RAPGEF1: variants seen among roughly 807,000 people sequenced by gnomAD.
RAPGEF1 encodes Rap guanine nucleotide exchange factor 1, also known as CRK SH3-binding GNRP.
Under a neutral mutation model 143.3 loss-of-function variants are expected in RAPGEF1, and 33 were observed. The ratio of observed to expected loss-of-function variants is 0.23; its 90% CI spans 0.17 to 0.31. RAPGEF1 has a LOEUF of 0.31. Among genes scored for constraint, RAPGEF1 ranks in the 10% least tolerant of loss-of-function variants. The probability of loss-of-function intolerance (pLI) is 1.00; values close to 1 mark genes in which losing one functional copy is unlikely to be tolerated. For missense variants in RAPGEF1, 1,199 were observed against 1,645.4 expected (o/e 0.73, Z 4.69); for synonymous variants, 629 against 676.5 (o/e 0.93, Z 1.09).
At chr9:131,609,428 A>G (rs1957659033) in intron 12 of RAPGEF1, among the ~76,000 whole-genome samples, 1 of 152,196 alleles carries the variant, frequency 6.6e-6, no homozygotes, top group East Asian at 1.9e-4. Context: ...TGGACGAGAC[A>G]GGCCCTAACC....
At chr9:131,648,444 C>G (rs567392773) in intron 3 of RAPGEF1, among the ~76,000 whole-genome samples, 7 of 152,136 alleles carry the variant, frequency 4.6e-5, no homozygotes, top group African/African-American at 1.7e-4. Context: ...GGGGGGAAAT[C>G]CCAGGAATTG....
chr9:131,629,477 A>T (rs1964258670), intron 6 of RAPGEF1, among the ~76,000 whole-genome samples: 1 of 152,106 alleles, frequency 6.6e-6, no homozygotes, highest in Non-Finnish European at 1.5e-5. Flanking sequence ...TCCTCATCTG[A>T]AAATGATCTA....
intron 12 of RAPGEF1, among the ~76,000 whole-genome samples, chr9:131,609,413 T>C (rs1267711648): frequency 6.6e-6 from 1 of 152,198 alleles, no homozygotes; most frequent in Non-Finnish European, 1.5e-5. Flanking sequence ...TACTGAGGTG[T>C]ATCCTGGACG....
chr9:131,600,060 G>A (rs1284664146), intron 15 of RAPGEF1, among the ~76,000 whole-genome samples: 1 of 152,002 alleles, frequency 6.6e-6, no homozygotes, highest in Non-Finnish European at 1.5e-5. Context: ...AGGTTGCAGT[G>A]AGCCGAGATC....
chr9:131,631,132 T>C (rs549567539), intron 5 of RAPGEF1, among the ~76,000 whole-genome samples: 1 of 152,202 alleles, frequency 6.6e-6, no homozygotes, highest in Non-Finnish European at 1.5e-5. Context: ...GAACTTGATA[T>C]AAATGGAACC....
chr9:131,658,530 T>C (rs1489279082), intron 1 of RAPGEF1, among the ~76,000 whole-genome samples: 4 of 152,038 alleles, frequency 2.6e-5, no homozygotes, highest in Non-Finnish European at 4.4e-5. Context: ...AGAGGAAGGG[T>C]GGCTTATATG....
In RAPGEF1 at chr9:131,628,406, G is replaced by A; in HGVS notation, c.1017+143C>T. The A allele has an allele frequency of 8.5e-7, 1 of 1,171,300 alleles. No homozygotes were observed. The allele number at this position is 1,171,300 out of a possible 1,614,324, so 72.6% of individuals were successfully genotyped here. On this transcript the variant is annotated intron_variant, in intron 8 of 26. Coordinates refer to ENST00000683357, the MANE Select transcript of RAPGEF1 (RefSeq NM_001377935.1). This position sits in a 1 kb window ranked among gnomAD's most constrained non-coding sequence, Gnocchi z 5.7. ...CTTGGACCGTGTCCTGGAGAGAGAG[G>A]GATGGGTACAAGGTCTCGCACTCCT...
chr9:131,722,005 G>A (rs1564202822), intron 1 of RAPGEF1, among the ~76,000 whole-genome samples: 1 of 152,062 alleles, frequency 6.6e-6, no homozygotes, highest in African/African-American at 2.4e-5. Context: ...TGAAATCAAG[G>A]TGCGTTTTAT....
Position 131,602,081 on chromosome 9 carries a change from G to T in RAPGEF1, c.2481C>A (p.Asp827Glu). 1.2e-6 allele frequency: 2 copies of T among 1,603,522 alleles called. No homozygotes were observed. The highest frequency in any genetic ancestry group is 1.7e-6 in the Non-Finnish European group (2 of 1,175,954). Reference sequence around the variant, plus strand: ...CCTACCTCTCACTGCCGTCTCTGCTGTCCTTCCCAGGGACGCCGCTGACCG... The same window carrying T: ...CCTACCTCTCACTGCCGTCTCTGCTTTCCTTCCCAGGGACGCCGCTGACCG... ...PSAVSGVPGK[D>E]SRDGSERAPK... The change falls in exon 15 of 27, where the codon GAC becomes GAA. Residue 827 changes from aspartate (D) to glutamate (E), a missense_variant. By Grantham distance (45) the Asp-to-Glu change is conservative. This residue lies in a region of RAPGEF1 where 293 missense variants were observed against 356.2 expected (regional missense o/e 0.82). Coordinates refer to ENST00000683357, the MANE Select transcript of RAPGEF1 (RefSeq NM_001377935.1).
At chr9:131,691,600 C>T (rs566457389) in intron 1 of RAPGEF1, among the ~76,000 whole-genome samples, 191 of 152,152 alleles carry the variant, frequency 1.3e-3, no homozygotes, top group Non-Finnish European at 1.8e-3. Flanking sequence ...CAACTATAAT[C>T]CTAAAATGTT....
At chr9:131,661,158 C>T (rs751398102) in intron 1 of RAPGEF1, among the ~76,000 whole-genome samples, 7 of 152,198 alleles carry the variant, frequency 4.6e-5, no homozygotes, top group Non-Finnish European at 7.3e-5. Context: ...CTCCAAAGAA[C>T]GCCTGTGTGA....
intron 20 of RAPGEF1, 66 bp from the exon 21 acceptor site, chr9:131,588,092 C>G: frequency 7.2e-7 from 1 of 1,382,060 alleles, no homozygotes; most frequent in South Asian, 1.2e-5. Context: ...GCTGAGCAGG[C>G]CCGGGCTGCG....
intron 12 of RAPGEF1, among the ~76,000 whole-genome samples, chr9:131,607,697 C>G (rs1032247482): frequency 1.3e-5 from 2 of 152,146 alleles, no homozygotes; most frequent in Non-Finnish European, 2.9e-5. Flanking sequence ...GACACTGCCA[C>G]GAGATTTGCT....
At chr9:131,673,701 G>A (rs1006569255) in intron 1 of RAPGEF1, among the ~76,000 whole-genome samples, 19 of 152,104 alleles carry the variant, frequency 1.2e-4, no homozygotes, top group African/African-American at 4.6e-4. Flanking sequence ...CCCCCCGGCC[G>A]CCCCACCCAA....
At position 131,588,840 on chromosome 9, in the gene RAPGEF1, G is replaced by A; in HGVS notation, c.3014C>T (p.Thr1005Ile). Reference sequence around the variant, plus strand: ...CCGGGCTGCCAGGGGCTGGCTGGAGGTGGCACACCTGAGTAGCTTCTTCTG... The same window carrying A: ...CCGGGCTGCCAGGGGCTGGCTGGAGATGGCACACCTGAGTAGCTTCTTCTG... ...VDQKKLLRCA[T>I]SSQPLAARGV... The change falls in exon 20 of 27, where the codon ACC (threonine) becomes ATC (isoleucine). Residue 1005 changes from threonine (T) to isoleucine (I), a missense_variant. By Grantham distance (89) the Thr-to-Ile change is moderately conservative. Coordinates refer to ENST00000683357, the MANE Select transcript of RAPGEF1 (RefSeq NM_001377935.1). 6.2e-7 allele frequency: 1 copy of A among 1,613,816 alleles called. No homozygotes were observed.
chr9:131,592,673 A>C (rs1351019401), intron 17 of RAPGEF1, among the ~76,000 whole-genome samples: 1 of 152,204 alleles, frequency 6.6e-6, no homozygotes, highest in Non-Finnish European at 1.5e-5. Flanking sequence ...TCATGGGAAC[A>C]AAGAAAATCG....
intron 5 of RAPGEF1, among the ~76,000 whole-genome samples, 163 bp from the exon 6 acceptor site, chr9:131,630,487 G>T (rs1964550658): frequency 6.6e-6 from 1 of 152,154 alleles, no homozygotes; most frequent in South Asian, 2.1e-4. Flanking sequence ...TAGGTAATCT[G>T]CATGACTTCC....
chr9:131,722,254 T>G (rs1037523378), intron 1 of RAPGEF1, among the ~76,000 whole-genome samples: 1 of 152,194 alleles, frequency 6.6e-6, no homozygotes, highest in African/African-American at 2.4e-5. Flanking sequence ...TAACAGGGCC[T>G]GCCAGGCTGG....
Position 131,584,262 on chromosome 9 carries a change from C to T in RAPGEF1, c.3414+49G>A, listed in dbSNP as rs1233643072. ...CACAGCTAGTCGCCTGAGGGCTGGG[C>T]GGCCCCCCTTACCAGCCACCCTCCC... is the stretch of plus-strand genomic sequence containing the variant. On this transcript the variant is annotated intron_variant, in intron 24 of 26. Coordinates refer to ENST00000683357, the MANE Select transcript of RAPGEF1 (RefSeq NM_001377935.1). The surrounding 1 kb of genome is among the most constrained non-coding windows in gnomAD (Gnocchi z 6.8). 2 of 1,494,674 alleles carry T rather than the reference C, an allele frequency of 1.3e-6. No individual in the cohort carries two copies. Among genetic ancestry groups the T allele is most frequent in the East Asian group, 2.4e-5 (1 of 41,726 alleles). The allele number at this position is 1,494,674 out of a possible 1,614,324, so 92.6% of individuals were successfully genotyped here. A position where few individuals can be genotyped will look rare whatever the true frequency, so the allele number is the denominator to read the frequency against.
Sources: allele counts gnomAD v4.1 joint callset (sites outside exome capture counted in the v4.1 genomes callset), GRCh38; gene constraint gnomAD v4.1.1; regional missense constraint gnomAD v4.1.1; non-coding constraint Gnocchi (gnomAD v3.1); transcripts MANE v1.5; gene names NCBI Gene and HGNC (gene_info 2026-07-23, HGNC 2026-07-21).